Variants in AHCTF1 observed in about 807,000 individuals in gnomAD.
AHCTF1 encodes AT-hook containing transcription factor 1.
A neutral mutation model predicts 248.4 loss-of-function variants in AHCTF1; 24 were observed. That is an observed-to-expected ratio of 0.10 (90% CI 0.07 to 0.14). The LOEUF (loss-of-function observed/expected upper bound fraction) is 0.14. Among genes scored for constraint, AHCTF1 ranks in the 10% least tolerant of loss-of-function variants. AHCTF1 has a pLI of 1.00. For synonymous variants in AHCTF1, 786 were observed against 929.8 expected (o/e 0.85, Z 2.81); for missense variants, 2,206 against 2,636.2 (o/e 0.84, Z 3.57).
intron 1 of AHCTF1, among the ~76,000 whole-genome samples, chr1:246,928,504 CA>C (rs1667111281): frequency 6.6e-6 from 1 of 152,012 alleles, no homozygotes; most frequent in Non-Finnish European, 1.5e-5. Flanking sequence ...CTAGCAGAGA[CA>C]AGAAATAGGC....
chr1:246,877,170 T>C lies in AHCTF1; in HGVS notation c.2793A>G (p.Thr931=), dbSNP rs1453855114. Residue 931 remains threonine (T), a synonymous_variant, in exon 22 of 36, where the codon ACA becomes ACG. Coordinates refer to ENST00000648844, the MANE Select transcript of AHCTF1 (RefSeq NM_001323342.2). ...GGTAAGTAATTACCTGCTCAGTGTC[T>C]GTAAATGGTAACTTCAGTAAATCTT... ...LMEDLLKLPF[T]DTEQECLVKF... 6.2e-7 allele frequency: 1 copy of C among 1,612,786 alleles called. No individual in the cohort carries two copies. The highest frequency in any genetic ancestry group is 1.1e-5 in the South Asian group (1 of 90,908).
At chr1:246,913,896 A>G (rs1196746133) in intron 3 of AHCTF1, among the ~76,000 whole-genome samples, 1 of 152,168 alleles carries the variant, frequency 6.6e-6, no homozygotes, top group African/African-American at 2.4e-5. Flanking sequence ...AAAACTAATC[A>G]TTCCAGAAAA....
chr1:246,907,504 G>A (rs1400434479), intron 5 of AHCTF1, 47 bp downstream of exon 5: 11 of 1,537,142 alleles, frequency 7.2e-6, no homozygotes, highest in Non-Finnish European at 9.8e-6. Context: ...CAAGCTATAT[G>A]CAAAAAAACT....
chr1:246,874,116 T>C (rs904158678), intron 24 of AHCTF1, among the ~76,000 whole-genome samples: 1 of 152,054 alleles, frequency 6.6e-6, no homozygotes, highest in Non-Finnish European at 1.5e-5. Flanking sequence ...TTTTTAATAT[T>C]AGAGACAACC....
chr1:246,850,069 T>A lies in AHCTF1; in HGVS notation c.5937A>T (p.Lys1979Asn). ...AIPRKRGRPR[K>N]INPSEDVGSK... is the part of the protein sequence containing the mutation. ...ATCCTACATCTTCAGATGGATTGAT[T>A]TTTCTTGGTCTACCACGTTTTCTAG... is the stretch of plus-strand genomic sequence containing the variant. Residue 1979 changes from lysine (K) to asparagine (N), a missense_variant, in exon 33 of 36, where the codon AAA (lysine) becomes AAT (asparagine). Physicochemically the swap from Lys to Asn is moderately conservative, Grantham distance 94 (BLOSUM62 0). Transcript: ENST00000648844. 1.2e-6 allele frequency: 2 copies of A among 1,613,922 alleles called. No individual in the cohort carries two copies. Among genetic ancestry groups the A allele is most frequent in the African/African-American group, 1.3e-5 (1 of 75,024 alleles).
rs755786671 is a variant in AHCTF1, at chr1:246,840,969, G to C, written c.6638C>G (p.Pro2213Arg). Residue 2213 changes from proline to arginine, a missense_variant, in exon 36 of 36, where the codon CCT becomes CGT. Around this residue, in one of 6 missense-constraint regions of AHCTF1, gnomAD observed 469 missense variants for 470.0 expected, o/e 1.00. Coordinates refer to ENST00000648844, the MANE Select transcript of AHCTF1 (RefSeq NM_001323342.2). ...AATCAGCCGAATTTCTATGGGAGGA[G>C]GTGACCAAGCACTTTCTTTTTCTGT... The part of the protein sequence containing the change: ...KNTEKESAWS[P>R]PPIEIRLISP... The C allele has an allele frequency of 1.4e-5, 22 of 1,610,136 alleles. No individual in the cohort carries two copies. The highest frequency in any genetic ancestry group is 1.8e-5 in the Non-Finnish European group (21 of 1,178,856).
At chr1:246,847,446 C>T (rs1252855846) in intron 33 of AHCTF1, among the ~76,000 whole-genome samples, 1 of 152,156 alleles carries the variant, frequency 6.6e-6, no homozygotes, top group African/African-American at 2.4e-5. Flanking sequence ...AATGGTGATT[C>T]TTTCGATGGC....
At chr1:246,907,846 A>C in intron 4 of AHCTF1, 88 bp from the exon 5 acceptor site, 1 of 1,103,278 alleles carries the variant, frequency 9.1e-7, no homozygotes, top group Non-Finnish European at 1.3e-6. Context: ...GCTGCAAATG[A>C]AGTCAACTGA....
rs765135473 is a variant in AHCTF1, at chr1:246,851,111, T to A, written c.4895A>T (p.Asn1632Ile). ...TEEKLVCSGENDNHGQIANLP... is the reference protein window; with the variant it reads ...TEEKLVCSGEIDNHGQIANLP... ...ATTTGCAATTTGTCCATGATTATCA[T>A]TTTCCCCACTGCATACAAGTTTTTC... The change falls in exon 33 of 36, where the codon AAT becomes ATT. Residue 1632 changes from asparagine (N) to isoleucine (I), a missense_variant. By Grantham distance (149) the Asn-to-Ile change is moderately radical. Around this residue, in one of 6 missense-constraint regions of AHCTF1, gnomAD observed 955 missense variants for 1,055.6 expected, o/e 0.90. Coordinates refer to ENST00000648844, the MANE Select transcript of AHCTF1 (RefSeq NM_001323342.2). 5 of 1,613,930 alleles carry A rather than the reference T, an allele frequency of 3.1e-6. No homozygotes were observed. The highest frequency in any genetic ancestry group is 4.2e-6 in the Non-Finnish European group (5 of 1,179,852).
intron 4 of AHCTF1, among the ~76,000 whole-genome samples, chr1:246,910,745 C>T (rs532291262): frequency 3.3e-5 from 5 of 150,488 alleles, no homozygotes; most frequent in African/African-American, 1.2e-4. Flanking sequence ...AGGGCCCCCA[C>T]CCCCAAATCA....
In AHCTF1 at chr1:246,898,309, G is replaced by A; in HGVS notation, c.1522C>T (p.Pro508Ser). 3.1e-6 allele frequency: 5 copies of A among 1,613,294 alleles called. No homozygotes were observed. The highest frequency in any genetic ancestry group is 4.2e-6 in the Non-Finnish European group (5 of 1,179,860). Residue 508 changes from proline to serine, a missense_variant, in exon 12 of 36, where the codon CCA becomes TCA. Coordinates refer to ENST00000648844, the MANE Select transcript of AHCTF1 (RefSeq NM_001323342.2). Reference sequence around the variant, plus strand: ...TCAGGAATGAGTTCATTGAGTGATGGACCTGATTTCTTTAAAAAAGTCAAA... The same window carrying A: ...TCAGGAATGAGTTCATTGAGTGATGAACCTGATTTCTTTAAAAAAGTCAAA... ...ETLTFLKKSG[P>S]SLNELIPDGY... is the part of the protein sequence containing the mutation.
rs77855548 is a variant in AHCTF1, at chr1:246,931,052, T to A, written c.-8+526A>T. On this transcript the variant is annotated intron_variant, in intron 1 of 35. Coordinates refer to ENST00000648844, the MANE Select transcript of AHCTF1 (RefSeq NM_001323342.2). Reference sequence around the variant, plus strand: ...GATGTGCTTTTATTTTAAATCTCCTTGATCTGACCAATCGGGTGAGCTGGA... The same window carrying A: ...GATGTGCTTTTATTTTAAATCTCCTAGATCTGACCAATCGGGTGAGCTGGA... The A allele has an allele frequency of 5.1e-3, 7,695 of 1,520,180 alleles. 352 individuals are homozygous for A. In the African/African-American group the frequency reaches 0.096, roughly 19 times the overall value. 94.2% of individuals were successfully genotyped at this position (1,520,180 alleles called of 1,614,324 possible). A position where few individuals can be genotyped will look rare whatever the true frequency, so the allele number is the denominator to read the frequency against.
chr1:246,930,756 G>C (rs967627908), intron 1 of AHCTF1, among the ~76,000 whole-genome samples: 1 of 152,102 alleles, frequency 6.6e-6, no homozygotes, highest in Non-Finnish European at 1.5e-5. Flanking sequence ...GATATTCTGA[G>C]AATAAATATC....
intron 10 of AHCTF1, 21 bp downstream of exon 10, chr1:246,900,044 T>C (rs751879303): frequency 6.3e-7 from 1 of 1,584,802 alleles, no homozygotes; most frequent in Non-Finnish European, 8.6e-7. Context: ...TCTTAAGAGG[T>C]AATGTTAAGG....
chr1:246,913,416 G>C lies in AHCTF1; in HGVS notation c.376-4C>G, dbSNP rs754220071. 5 of 1,599,704 alleles carry C rather than the reference G, an allele frequency of 3.1e-6. No individual in the cohort carries two copies. The highest frequency in any genetic ancestry group is 4.3e-6 in the Non-Finnish European group (5 of 1,172,040). On this transcript the variant is annotated splice_region_variant and splice_polypyrimidine_tract_variant and intron_variant, in intron 3 of 35. Transcript: ENST00000648844. The stretch of plus-strand genomic sequence containing the variant: ...TTATAGGTTCAATAGCTGTTACCTA[G>C]AAAACATAATACGTGATTTGCTTTT...
chr1:246,863,582 T>G (rs1238014887), intron 27 of AHCTF1, among the ~76,000 whole-genome samples: 2 of 152,016 alleles, frequency 1.3e-5, no homozygotes, highest in Non-Finnish European at 2.9e-5. Flanking sequence ...TAAATAGCAT[T>G]TGATAGAAGA....
At chr1:246,908,612 G>A (rs1176180782) in intron 4 of AHCTF1, among the ~76,000 whole-genome samples, 6 of 151,854 alleles carry the variant, frequency 4.0e-5, no homozygotes, top group Admixed American at 3.9e-4. Flanking sequence ...CTTAGGCCGG[G>A]CACGGTGGCT....
chr1:246,891,723 C>T, intron 15 of AHCTF1, 56 bp downstream of exon 15: 1 of 1,570,046 alleles, frequency 6.4e-7, no homozygotes, highest in Non-Finnish European at 8.7e-7. Context: ...ATTCGTTTCT[C>T]TTAGTCAAGA....
chr1:246,887,059 T>C, intron 20 of AHCTF1, 152 bp downstream of exon 20: 1 of 764,764 alleles, frequency 1.3e-6, no homozygotes, highest in Non-Finnish European at 2.0e-6. Flanking sequence ...CCTTCTAAAA[T>C]AGTGCTTGGT....
Sources: allele counts gnomAD v4.1 joint callset (sites outside exome capture counted in the v4.1 genomes callset), GRCh38; gene constraint gnomAD v4.1.1; regional missense constraint gnomAD v4.1.1; transcripts MANE v1.5; gene names NCBI Gene and HGNC (gene_info 2026-07-23, HGNC 2026-07-21).